Variants in SLC39A10 observed in about 807,000 individuals in gnomAD.
The protein encoded by SLC39A10 is zinc transporter ZIP10.
SLC39A10 carries 13 observed loss-of-function variants against 65.1 expected under a neutral mutation model. The observed-to-expected ratio is 0.20, with a 90% CI of 0.13 to 0.32. The LOEUF is 0.32. Among genes scored for constraint, SLC39A10 ranks in the 10% least tolerant of loss-of-function variants. SLC39A10 has a pLI of 1.00. For missense variants in SLC39A10, 831 were observed against 1,018.4 expected (o/e 0.82, Z 2.50); for synonymous variants, 321 against 342.2 (o/e 0.94, Z 0.68).
chr2:195,734,013 G>C (rs1008189143), intron 9 of SLC39A10, among the ~76,000 whole-genome samples: 2 of 152,026 alleles, frequency 1.3e-5, no homozygotes, highest in Admixed American at 1.3e-4. Context: ...AATGGCATAA[G>C]GGCATAGAGA....
At chr2:195,674,783 T>C (rs2105758623) in intron 1 of SLC39A10, among the ~76,000 whole-genome samples, 1 of 152,034 alleles carries the variant, frequency 6.6e-6, no homozygotes, top group Middle Eastern at 3.4e-3. Context: ...CACCTACCTA[T>C]AGAGTATAGC....
At chr2:195,617,566 A>G (rs1471919995) in intron 2 of SLC39A10, among the ~76,000 whole-genome samples, 2 of 151,862 alleles carry the variant, frequency 1.3e-5, no homozygotes. Flanking sequence ...CGTCTCAAAG[A>G]AAAAAAGAAA....
intron 4 of SLC39A10, 116 bp downstream of exon 4, chr2:195,706,901 T>C: frequency 1.5e-6 from 1 of 678,768 alleles, no homozygotes; most frequent in South Asian, 6.8e-5. Flanking sequence ...TTTATTTGCT[T>C]ATAGGATGAA....
chr2:195,676,676 A>T (rs1460612728), intron 1 of SLC39A10, among the ~76,000 whole-genome samples: 1 of 152,152 alleles, frequency 6.6e-6, no homozygotes, highest in Admixed American at 6.5e-5. Context: ...TGCTAGTTCT[A>T]TGTTATTTTC....
At chr2:195,664,628 A>G (rs973284264) in intron 1 of SLC39A10, among the ~76,000 whole-genome samples, 48 of 152,292 alleles carry the variant, frequency 3.2e-4, no homozygotes, top group Non-Finnish European at 5.7e-4. Flanking sequence ...AACTTTAAAA[A>G]TATGAATTAA....
At chr2:195,664,094 A>G (rs1689536257) in intron 1 of SLC39A10, among the ~76,000 whole-genome samples, 1 of 152,174 alleles carries the variant, frequency 6.6e-6, no homozygotes, top group African/African-American at 2.4e-5. Context: ...AAGGTATGCT[A>G]AAGTTAAATC....
chr2:195,659,618 G>A (rs1689303883), intron 1 of SLC39A10, among the ~76,000 whole-genome samples: 1 of 152,130 alleles, frequency 6.6e-6, no homozygotes, highest in Admixed American at 6.5e-5. Flanking sequence ...GCTTTGGAGT[G>A]AAATTTTAAA....
intron 2 of SLC39A10, among the ~76,000 whole-genome samples, 191 bp downstream of exon 2, chr2:195,681,241 A>T (rs1190908539): frequency 6.6e-6 from 1 of 152,166 alleles, no homozygotes; most frequent in Non-Finnish European, 1.5e-5. Context: ...AAAGATTTTT[A>T]AGTATCCGGG....
intron 8 of SLC39A10, among the ~76,000 whole-genome samples, chr2:195,721,272 C>G (rs1353024826): frequency 6.6e-6 from 1 of 152,158 alleles, no homozygotes; most frequent in African/African-American, 2.4e-5. Context: ...TTCACTTCTT[C>G]TCTCTACCTA....
At chr2:195,635,698 AC>A (rs150403511) in intron 2 of SLC39A10, among the ~76,000 whole-genome samples, 1,497 of 110,422 alleles carry the variant, frequency 0.014, 37 homozygotes, top group African/African-American at 0.043. Context: ...TTTTTGTGGA[AC>A]CCCCCCCACT....
At chr2:195,683,656 T>C in intron 2 of SLC39A10, 43 bp from the exon 3 acceptor site, 1 of 1,503,252 alleles carries the variant, frequency 6.7e-7, no homozygotes, top group Non-Finnish European at 9.2e-7. Flanking sequence ...ATAATCTCCT[T>C]AAAGACACTC....
chr2:195,656,990 C>G (rs974307292), upstream of SLC39A10: 1 of 152,278 alleles, frequency 6.6e-6, no homozygotes, highest in Admixed American at 6.5e-5. Flanking sequence ...TCCTATTCCT[C>G]GGACGATCCA....
intron 3 of SLC39A10, among the ~76,000 whole-genome samples, chr2:195,700,069 A>G (rs1384331964): frequency 6.6e-6 from 1 of 152,092 alleles, no homozygotes; most frequent in East Asian, 1.9e-4. Context: ...TTTTCATGGA[A>G]TATCGTTTTC....
chr2:195,708,025 A>C (rs1176249190), intron 4 of SLC39A10, among the ~76,000 whole-genome samples: 1 of 152,128 alleles, frequency 6.6e-6, no homozygotes, highest in Non-Finnish European at 1.5e-5. Context: ...AAATATAGAA[A>C]ATTACATATT....
chr2:195,682,044 G>A (rs905899785), intron 2 of SLC39A10, among the ~76,000 whole-genome samples: 6 of 152,056 alleles, frequency 3.9e-5, no homozygotes, highest in African/African-American at 1.4e-4. Context: ...ATAGTAATGG[G>A]ATGTCCTGTT....
intron 2 of SLC39A10, among the ~76,000 whole-genome samples, chr2:195,624,515 T>C (rs1029696312): frequency 5.9e-5 from 9 of 151,592 alleles, no homozygotes; most frequent in African/African-American, 2.2e-4. Context: ...TTTCCAGGTA[T>C]TAAAGATACA....
intron 3 of SLC39A10, among the ~76,000 whole-genome samples, chr2:195,694,599 T>C (rs1690868712): frequency 6.6e-6 from 1 of 152,186 alleles, no homozygotes; most frequent in Non-Finnish European, 1.5e-5. Context: ...TGTGGTGTGA[T>C]CCACCTTCAG....
intron 2 of SLC39A10, among the ~76,000 whole-genome samples, chr2:195,615,987 C>T (rs1239473048): frequency 6.6e-6 from 1 of 152,126 alleles, no homozygotes; most frequent in Admixed American, 6.5e-5. Flanking sequence ...CTAGCAGTTT[C>T]CCGGTTCGCC....
At chr2:195,681,265 A>C (rs1026738605) in intron 2 of SLC39A10, among the ~76,000 whole-genome samples, 5 of 152,182 alleles carry the variant, frequency 3.3e-5, no homozygotes, top group African/African-American at 1.2e-4. Flanking sequence ...GGTGGCTCAC[A>C]CCTGTAATCC....
Sources: allele counts gnomAD v4.1 joint callset (sites outside exome capture counted in the v4.1 genomes callset), GRCh38; gene constraint gnomAD v4.1.1; transcripts MANE v1.5; gene names NCBI Gene and HGNC (gene_info 2026-07-23, HGNC 2026-07-21).